PRMT1: variants seen among roughly 807,000 people sequenced by gnomAD.
The protein encoded by PRMT1 is protein arginine N-methyltransferase 1.
A neutral mutation model predicts 47.4 loss-of-function variants in PRMT1; 5 were observed. That is an observed-to-expected ratio of 0.11 (90% CI 0.06 to 0.22). PRMT1 has a LOEUF of 0.22. Among genes scored for constraint, PRMT1 ranks in the 10% least tolerant of loss-of-function variants. The pLI, the probability that PRMT1 is intolerant of heterozygous loss-of-function variation, is 1.00. For synonymous variants in PRMT1, 227 were observed against 204.6 expected, an observed-to-expected ratio of 1.11 and a Z score of -0.94; for missense variants, 249 against 518.4, an observed-to-expected ratio of 0.48 and a Z score of 5.05.
At position 49,684,701 on chromosome 19, in the gene PRMT1, CAG is replaced by C. The variant is rs1282189834; in HGVS notation, c.556-52_556-51del. 16 of 1,519,576 alleles carry C rather than the reference CAG, an allele frequency of 1.1e-5. No homozygotes were observed. Among genetic ancestry groups the C allele is most frequent in the African/African-American group, 1.4e-5 (1 of 72,296 alleles). The allele number at this position is 1,519,576 out of a possible 1,614,324, so 94.1% of individuals were successfully genotyped here. A position where few individuals can be genotyped will look rare whatever the true frequency, so the allele number is the denominator to read the frequency against. On this transcript the variant is annotated intron_variant, in intron 6 of 10. Transcript: ENST00000454376. This position sits in a 1 kb window ranked among gnomAD's most constrained non-coding sequence, Gnocchi z 6.2. Reference sequence around the variant, plus strand: ...GAGGCCACATCTTGGAGGCAAGACTCAGGGTAGTGTTGCCAGGCCCCACCCTT... The same window carrying C: ...GAGGCCACATCTTGGAGGCAAGACTCGGTAGTGTTGCCAGGCCCCACCCTT...
At chr19:49,679,957 C>T in intron 2 of PRMT1, 32 bp downstream of exon 2, 1 of 1,579,462 alleles carries the variant, frequency 6.3e-7, no homozygotes, top group Non-Finnish European at 8.7e-7. Flanking sequence ...CCCTCCCCAC[C>T]CTGACCTCCA....
intron 1 of PRMT1, 47 bp downstream of exon 1, chr19:49,677,363 G>A: frequency 2.9e-6 from 4 of 1,359,424 alleles, no homozygotes; most frequent in South Asian, 3.9e-5. Flanking sequence ...CTTTGGGTCG[G>A]TGTTTCACGC....
rs1342836358 is a variant in PRMT1 at position 49,685,114 on chromosome 19, T to G, written c.759+77T>G. ...CCATCACCTGGCCCTGGCATGGGAC[T>G]TTGGGGCCCAGAATGTTGGCCTGAG... On this transcript the variant is annotated intron_variant, in intron 8 of 10. Transcript: ENST00000454376. The surrounding 1 kb of genome is among the most constrained non-coding windows in gnomAD (Gnocchi z 4.7). 1 of 1,596,866 alleles carries G rather than the reference T, an allele frequency of 6.3e-7. No homozygotes were observed. Among genetic ancestry groups the G allele is most frequent in the South Asian group, 1.1e-5 (1 of 89,286 alleles).
Position 49,684,849 on chromosome 19 carries a change from C to T in PRMT1, c.643+8C>T, listed in dbSNP as rs370369633. On this transcript the variant is annotated splice_region_variant and intron_variant, in intron 7 of 10. Coordinates refer to ENST00000454376, the MANE Select transcript of PRMT1 (RefSeq NM_001536.6). The surrounding 1 kb of genome is among the most constrained non-coding windows in gnomAD (Gnocchi z 6.2). ...AAGACTACAAGATCCACTGTGAGCG[C>T]GGCCCGGGAGCTGGCGGGCGGGGCC... is the stretch of plus-strand genomic sequence containing the variant. 22 of 1,612,170 alleles carry T rather than the reference C, an allele frequency of 1.4e-5. No individual in the cohort carries two copies. The highest frequency in any genetic ancestry group is 5.0e-5 in the Admixed American group (3 of 59,770).
chr19:49,686,789 GGAGTGGT>G, intron 10 of PRMT1, 63 bp downstream of exon 10: 1 of 792,792 alleles, frequency 1.3e-6, no homozygotes. Context: ...GATTGGGGGG[GGAGTGGT>G]GGGGGAGGAA....
chr19:49,686,633 G>A lies in PRMT1; in HGVS notation c.939G>A (p.Lys313=). The A allele has an allele frequency of 1.2e-6, 2 of 1,611,968 alleles. No individual in the cohort carries two copies. Among genetic ancestry groups the A allele is most frequent in the Non-Finnish European group, 8.5e-7 (1 of 1,179,656 alleles). ...TSPESPYTHW[K]QTVFYMEDYL... ...CCGAGTCCCCGTACACGCACTGGAAGCAGACGGTGTTCTACATGGAGGACT... is the reference window on the plus strand; with the variant it reads ...CCGAGTCCCCGTACACGCACTGGAAACAGACGGTGTTCTACATGGAGGACT... Residue 313 remains lysine, a synonymous_variant, in exon 10 of 11, where the codon AAG becomes AAA. Coordinates refer to ENST00000454376, the MANE Select transcript of PRMT1 (RefSeq NM_001536.6).
intron 10 of PRMT1, chr19:49,687,780 A>C: frequency 3.4e-6 from 1 of 289,872 alleles, no homozygotes; most frequent in Admixed American, 4.1e-5. Flanking sequence ...GAGGAGAGGA[A>C]GTGGAGACAG....
In PRMT1 at chr19:49,688,328, C is replaced by T. The variant is rs893552800; in HGVS notation, c.*83C>T. On this transcript the variant is annotated 3_prime_UTR_variant, in exon 11 of 11. Transcript: ENST00000454376. This position sits in a 1 kb window ranked among gnomAD's most constrained non-coding sequence, Gnocchi z 5.3. Reference sequence around the variant, plus strand: ...GGGCTCCCCCTTCCTCTCCCTCCCTCCCGCAGAAGGGGGTTTTAGGGGCCT... The same window carrying T: ...GGGCTCCCCCTTCCTCTCCCTCCCTTCCGCAGAAGGGGGTTTTAGGGGCCT... 1.8e-5 allele frequency: 25 copies of T among 1,376,280 alleles called. No homozygotes were observed. In the African/African-American group the frequency reaches 3.3e-4, roughly 18 times the overall value. 85.3% of individuals were successfully genotyped at this position (1,376,280 alleles called of 1,614,324 possible).
In PRMT1 at chr19:49,685,436, G is replaced by C; in HGVS notation, c.759+399G>C. On this transcript the variant is annotated intron_variant, in intron 8 of 10. Transcript: ENST00000454376. The surrounding 1 kb of genome is among the most constrained non-coding windows in gnomAD (Gnocchi z 4.7). ...TACTCGGGAGGATCACTTGGGCCTGGGAGTTCAAGGCTGCAGTGAGCTGTG... is the reference window on the plus strand; with the variant it reads ...TACTCGGGAGGATCACTTGGGCCTGCGAGTTCAAGGCTGCAGTGAGCTGTG... 8.5e-7 allele frequency: 1 copy of C among 1,181,848 alleles called. No individual in the cohort carries two copies. The highest frequency in any genetic ancestry group is 1.8e-5 in the South Asian group (1 of 56,214). The allele number at this position is 1,181,848 out of a possible 1,614,324, so 73.2% of individuals were successfully genotyped here. A position where few individuals can be genotyped will look rare whatever the true frequency, so the allele number is the denominator to read the frequency against.
At chr19:49,682,429 G>A (rs1411799629) in intron 5 of PRMT1, among the ~76,000 whole-genome samples, 170 bp downstream of exon 5, 1 of 152,090 alleles carries the variant, frequency 6.6e-6, no homozygotes, top group African/African-American at 2.4e-5. Flanking sequence ...AAAATCACAG[G>A]CTTAGCACCG....
Position 49,681,969 on chromosome 19 carries a change from G to T in PRMT1, c.252G>T (p.Arg84=), listed in dbSNP as rs554576824. The T allele has an allele frequency of 8.1e-6, 13 of 1,614,184 alleles. No homozygotes were observed. The South Asian group carries it at 1.3e-4, about 16-fold the overall frequency. Residue 84 remains arginine (R), a synonymous_variant, in exon 4 of 11, where the codon CGG becomes CGT. Transcript: ENST00000454376. This position sits in a 1 kb window ranked among gnomAD's most constrained non-coding sequence, Gnocchi z 4.4. ...LTYRNSMFHN[R]HLFKDKVVLD... ...ACCGCAACTCCATGTTTCATAACCG[G>T]CACCTCTTCAAGGACAAGGTGGTGC...
intron 10 of PRMT1, among the ~76,000 whole-genome samples, chr19:49,687,258 G>A (rs369511574): frequency 2.0e-5 from 3 of 152,092 alleles, no homozygotes; most frequent in African/African-American, 4.8e-5. Flanking sequence ...GGGGGCTTCC[G>A]GGGGAGCTGG....
Position 49,685,800 on chromosome 19 carries a change from A to C in PRMT1, c.760-293A>C. On this transcript the variant is annotated intron_variant, in intron 8 of 10. Transcript: ENST00000454376. The surrounding 1 kb of genome is among the most constrained non-coding windows in gnomAD (Gnocchi z 4.7). Reference sequence around the variant, plus strand: ...GGACTTGTCAAGGGGTTGGGGAGACAGTGGAGTGGGGCGCCTGCATTCTAG... The same window carrying C: ...GGACTTGTCAAGGGGTTGGGGAGACCGTGGAGTGGGGCGCCTGCATTCTAG... 8.2e-7 allele frequency: 1 copy of C among 1,222,044 alleles called. No homozygotes were observed. The highest frequency in any genetic ancestry group is 1.0e-6 in the Non-Finnish European group (1 of 974,592). 75.7% of individuals were successfully genotyped at this position (1,222,044 alleles called of 1,614,324 possible).
In PRMT1 at chr19:49,684,094, A is replaced by G; in HGVS notation, c.555+25A>G. On this transcript the variant is annotated intron_variant, in intron 6 of 10. Coordinates refer to ENST00000454376, the MANE Select transcript of PRMT1 (RefSeq NM_001536.6). This position sits in a 1 kb window ranked among gnomAD's most constrained non-coding sequence, Gnocchi z 6.2. ...GGTGAGGCCCCAGCGGGACGGGTGC[A>G]GCTCGCGTGGGCTGGGGTCCAGGTA... 1.2e-6 allele frequency: 2 copies of G among 1,612,854 alleles called. No homozygotes were observed. Among genetic ancestry groups the G allele is most frequent in the Admixed American group, 1.7e-5 (1 of 59,986 alleles).
rs1172403414 is a variant in PRMT1, at chr19:49,685,220, C to T, written c.759+183C>T. 5.9e-6 allele frequency: 9 copies of T among 1,522,044 alleles called. No homozygotes were observed. The highest frequency in any genetic ancestry group is 1.7e-4 in the Middle Eastern group (1 of 5,854). The allele number at this position is 1,522,044 out of a possible 1,614,324, so 94.3% of individuals were successfully genotyped here. Reference sequence around the variant, plus strand: ...TTCGTCCTTTAAATATCTTTGTGAGCGCTGCTGTGTGAGAACCATGCTTGG... The same window carrying T: ...TTCGTCCTTTAAATATCTTTGTGAGTGCTGCTGTGTGAGAACCATGCTTGG... On this transcript the variant is annotated intron_variant, in intron 8 of 10. Transcript: ENST00000454376. This position sits in a 1 kb window ranked among gnomAD's most constrained non-coding sequence, Gnocchi z 4.7.
chr19:49,681,988 G>T lies in PRMT1; in HGVS notation c.271G>T (p.Val91Leu). 2 of 1,614,212 alleles carry T rather than the reference G, an allele frequency of 1.2e-6. No homozygotes were observed. The highest frequency in any genetic ancestry group is 1.7e-6 in the Non-Finnish European group (2 of 1,180,038). The change falls in exon 4 of 11, where the codon GTG (valine) becomes TTG (leucine). Residue 91 changes from valine (V) to leucine (L), a missense_variant. Physicochemically the swap from Val to Leu is conservative, Grantham distance 32. This residue lies in a region of PRMT1 where 190 missense variants were observed against 456.7 expected (regional missense o/e 0.42). Transcript: ENST00000454376. The surrounding 1 kb of genome is among the most constrained non-coding windows in gnomAD (Gnocchi z 4.4). ...FHNRHLFKDK[V>L]VLDVGSGTGI... is the part of the protein sequence containing the mutation. ...TAACCGGCACCTCTTCAAGGACAAG[G>T]TGGTGCTGGACGTCGGCTCGGGCAC...
At position 49,680,307 on chromosome 19, in the gene PRMT1, T is replaced by C; in HGVS notation, c.91-180T>C. The C allele has an allele frequency of 1.5e-6, 2 of 1,310,036 alleles. No homozygotes were observed. Among genetic ancestry groups the C allele is most frequent in the Non-Finnish European group, 2.2e-6 (2 of 917,962 alleles). The allele number at this position is 1,310,036 out of a possible 1,614,324, so 81.2% of individuals were successfully genotyped here. ...CTGGGGGGGTCCTGGAAGTGGAAAA[T>C]GGGGTTGTTAGGTTTTGGGGTTCCT... On this transcript the variant is annotated intron_variant, in intron 2 of 10. Transcript: ENST00000454376. The surrounding 1 kb of genome is among the most constrained non-coding windows in gnomAD (Gnocchi z 4.2).
chr19:49,688,260 G>A lies in PRMT1; in HGVS notation c.*15G>A, dbSNP rs367609249. The A allele has an allele frequency of 3.2e-5, 51 of 1,612,466 alleles. No homozygotes were observed. The highest frequency in any genetic ancestry group is 5.5e-5 in the South Asian group (5 of 91,048). Reference sequence around the variant, plus strand: ...GGATGCGCTGAGGCCCGGCTCTCCCGCCCTGCACGAGCCCAGGGGCTGAGC... The same window carrying A: ...GGATGCGCTGAGGCCCGGCTCTCCCACCCTGCACGAGCCCAGGGGCTGAGC... On this transcript the variant is annotated 3_prime_UTR_variant, in exon 11 of 11. Transcript: ENST00000454376. The surrounding 1 kb of genome is among the most constrained non-coding windows in gnomAD (Gnocchi z 5.3).
At chr19:49,687,831 G>A (rs912650117) in intron 10 of PRMT1, 4 of 401,804 alleles carry the variant, frequency 1.0e-5, no homozygotes, top group Non-Finnish European at 1.9e-5. Context: ...TTTGCCTGAG[G>A]AGGAAGTGGG....
Sources: allele counts gnomAD v4.1 joint callset (sites outside exome capture counted in the v4.1 genomes callset), GRCh38; gene constraint gnomAD v4.1.1; regional missense constraint gnomAD v4.1.1; non-coding constraint Gnocchi (gnomAD v3.1); transcripts MANE v1.5; gene names NCBI Gene and HGNC (gene_info 2026-07-23, HGNC 2026-07-21).